AP3M2: variants seen among roughly 807,000 people sequenced by gnomAD.
The protein encoded by AP3M2 is AP-3 complex subunit mu-2.
In AP3M2, 28 loss-of-function variants were observed where a neutral mutation model predicts 41.6. The observed-to-expected ratio is 0.67, with a 90% CI of 0.50 to 0.92. AP3M2 has a LOEUF of 0.92. AP3M2 is among the 40% of genes least tolerant of loss of function. The pLI is 0.00. For synonymous variants in AP3M2, 193 were observed against 186.4 expected, an observed-to-expected ratio of 1.04 and a Z score of -0.29; for missense variants, 427 against 521.4, an observed-to-expected ratio of 0.82 and a Z score of 1.76.
chr8:42,168,146 A>G, intron 8 of AP3M2: 1 of 494,302 alleles, frequency 2.0e-6, no homozygotes, highest in South Asian at 1.5e-5. Context: ...ATCCATGTGC[A>G]TTCTCAGCTA....
chr8:42,155,897 A>G (rs1258979109), intron 2 of AP3M2: 3 of 442,254 alleles, frequency 6.8e-6, no homozygotes, highest in African/African-American at 2.0e-5. Context: ...TCTTGTACTC[A>G]TATCTGCACC....
At position 42,162,288 on chromosome 8, in the gene AP3M2, G is replaced by T. The variant is rs141205851; in HGVS notation, c.453G>T (p.Thr151=). Residue 151 remains threonine, a synonymous_variant, in exon 4 of 9, where the codon ACG becomes ACT. Coordinates refer to ENST00000396926, the MANE Select transcript of AP3M2 (RefSeq NM_006803.4). ...TAATATTAATTGCCTCAGGAAGCAC[G>T]AATGTGGGTGACCAGCTTCCCACTG... ...RTVVNTITGS[T]NVGDQLPTGQ... The T allele has an allele frequency of 2.5e-6, 4 of 1,611,334 alleles. No homozygotes were observed.
intron 3 of AP3M2, 53 bp from the exon 4 acceptor site, chr8:42,162,228 G>T: frequency 6.5e-7 from 1 of 1,538,182 alleles, no homozygotes. Flanking sequence ...GAGGTGTTCT[G>T]TGGTTTCTAG....
chr8:42,165,365 T>C, intron 5 of AP3M2, 62 bp from the exon 6 acceptor site: 1 of 1,582,794 alleles, frequency 6.3e-7, no homozygotes, highest in Non-Finnish European at 8.6e-7. Context: ...TAAATTGCTT[T>C]CCTGAAAGCA....
In AP3M2 at chr8:42,169,115, C is replaced by A. The variant is rs1329246898; in HGVS notation, c.*54C>A. The stretch of plus-strand genomic sequence containing the variant: ...GCACATTTTTTCATTTCTTACTTGT[C>A]TAAAAGTAAAAAAAAATATCAGCCT... On this transcript the variant is annotated 3_prime_UTR_variant, in exon 9 of 9. Transcript: ENST00000396926. 1.4e-6 allele frequency: 2 copies of A among 1,454,136 alleles called. No homozygotes were observed. Among genetic ancestry groups the A allele is most frequent in the South Asian group, 2.4e-5 (2 of 82,034 alleles). 90.1% of individuals were successfully genotyped at this position (1,454,136 alleles called of 1,614,324 possible). A position where few individuals can be genotyped will look rare whatever the true frequency, so the allele number is the denominator to read the frequency against.
chr8:42,160,252 A>G (rs1804474251), intron 3 of AP3M2, among the ~76,000 whole-genome samples: 1 of 152,220 alleles, frequency 6.6e-6, no homozygotes, highest in South Asian at 2.1e-4. Flanking sequence ...GGTAAAGATT[A>G]CTCAATCTGT....
Position 42,165,107 on chromosome 8 carries a change from A to G in AP3M2, c.620A>G (p.Asp207Gly). The G allele has an allele frequency of 1.2e-6, 2 of 1,614,034 alleles. No individual in the cohort carries two copies. Among genetic ancestry groups the G allele is most frequent in the Non-Finnish European group, 1.7e-6 (2 of 1,179,974 alleles). The change falls in exon 5 of 9, where the codon GAT becomes GGT. Residue 207 changes from aspartate (D) to glycine (G), a missense_variant. Physicochemically the swap from Asp to Gly is moderately conservative, Grantham distance 94. This residue lies in a region of AP3M2 where 237 missense variants were observed against 284.9 expected (regional missense o/e 0.83). Transcript: ENST00000396926. ...ACTGCTGAGATCCAGGGGGTGATTG[A>G]TGCCTGTGTCAAGCTGACTGGCATG... Reference protein sequence around the residue: ...TITAEIQGVIDACVKLTGMPD... With the variant: ...TITAEIQGVIGACVKLTGMPD...
chr8:42,154,984 T>C, intron 2 of AP3M2, 24 bp downstream of exon 2: 1 of 1,591,872 alleles, frequency 6.3e-7, no homozygotes, highest in Non-Finnish European at 8.6e-7. Context: ...GGAAAGTTCA[T>C]ATATGTAAAC....
At chr8:42,157,469 G>T (rs1338215250) in intron 2 of AP3M2, among the ~76,000 whole-genome samples, 1 of 152,184 alleles carries the variant, frequency 6.6e-6, no homozygotes, top group Non-Finnish European at 1.5e-5. Context: ...GAATTTTCAG[G>T]TGTGCTAGCT....
chr8:42,158,205 G>A, intron 3 of AP3M2, 93 bp downstream of exon 3: 6 of 1,345,886 alleles, frequency 4.5e-6, no homozygotes, highest in Non-Finnish European at 6.1e-6. Context: ...GTTTGTCTTT[G>A]GGGATCTCAG....
intron 4 of AP3M2, 136 bp from the exon 5 acceptor site, chr8:42,164,935 A>G: frequency 1.5e-6 from 1 of 669,434 alleles, no homozygotes; most frequent in South Asian, 2.0e-5. Context: ...AAGGAAAGAA[A>G]GGGAGAGAGA....
chr8:42,171,099 A>C lies in AP3M2; in HGVS notation c.*2038A>C, dbSNP rs762910190. 3 of 152,260 alleles carry C rather than the reference A, an allele frequency of 2.0e-5. No individual in the cohort carries two copies. The highest frequency in any genetic ancestry group is 1.3e-4 in the Admixed American group (2 of 15,284). The allele number at this position is 152,260 out of a possible 1,614,324, so 9.4% of individuals were successfully genotyped here. ...ACCATAAGCAGTGCAGGGTGTCTCC[A>C]TCGAGCTGTTTGGTTCCATGTGTGT... On this transcript the variant is annotated 3_prime_UTR_variant, in exon 9 of 9. Transcript: ENST00000396926.
chr8:42,156,439 C>G (rs946113718), intron 2 of AP3M2, among the ~76,000 whole-genome samples: 6 of 152,184 alleles, frequency 3.9e-5, no homozygotes, highest in Non-Finnish European at 5.9e-5. Context: ...ACAGGAGCGG[C>G]CCCGCAATAG....
Position 42,167,624 on chromosome 8 carries a change from T to C in AP3M2, c.1012-42T>C, listed in dbSNP as rs763146502. ...CAAATGCAGGATTCTGCTGTAACTATTTTTTGGAAAGACCACTTCTCCATT... is the reference window on the plus strand; with the variant it reads ...CAAATGCAGGATTCTGCTGTAACTACTTTTTGGAAAGACCACTTCTCCATT... On this transcript the variant is annotated intron_variant, in intron 7 of 8. Coordinates refer to ENST00000396926, the MANE Select transcript of AP3M2 (RefSeq NM_006803.4). The C allele has an allele frequency of 1.2e-4, 190 of 1,589,868 alleles. 1 individual carries two copies. Among genetic ancestry groups the C allele is most frequent in the Non-Finnish European group, 1.6e-4 (186 of 1,170,548 alleles).
chr8:42,163,542 C>T (rs945379217), intron 4 of AP3M2, among the ~76,000 whole-genome samples: 14 of 152,162 alleles, frequency 9.2e-5, no homozygotes, highest in Non-Finnish European at 1.8e-4. Flanking sequence ...GGTGTTTATG[C>T]TTCATCAGTG....
In AP3M2 at chr8:42,168,945, T is replaced by C. The variant is rs1804713208; in HGVS notation, c.1157-16T>C. ...ATAATACTCATGTCTATTTTCCCTCTCTCCCTCCTTTCTAGGACTCAAGGT... is the reference window on the plus strand; with the variant it reads ...ATAATACTCATGTCTATTTTCCCTCCCTCCCTCCTTTCTAGGACTCAAGGT... On this transcript the variant is annotated splice_polypyrimidine_tract_variant and intron_variant, in intron 8 of 8. Coordinates refer to ENST00000396926, the MANE Select transcript of AP3M2 (RefSeq NM_006803.4). 3.2e-6 allele frequency: 5 copies of C among 1,576,274 alleles called. No homozygotes were observed. Among genetic ancestry groups the C allele is most frequent in the Non-Finnish European group, 4.3e-6 (5 of 1,156,640 alleles).
At chr8:42,165,818 G>A (rs1470707447) in intron 6 of AP3M2, 1 of 367,304 alleles carries the variant, frequency 2.7e-6, no homozygotes, top group East Asian at 4.5e-5. Flanking sequence ...ACAAAGAAGT[G>A]CTCATTAAGT....
Position 42,154,810 on chromosome 8 carries a change from G to C in AP3M2, c.123G>C (p.Glu41Asp). The change falls in exon 2 of 9, where the codon GAG becomes GAC. Residue 41 changes from glutamate to aspartate, a missense_variant. Glu to Asp is a conservative substitution (Grantham distance 45, BLOSUM62 2). Transcript: ENST00000396926. ...YFFEAQERAT[E>D]AENVPPVIPT... ...TTGAGGCGCAAGAGAGAGCTACTGA[G>C]GCAGAAAATGTGCCTCCGGTTATCC... The C allele has an allele frequency of 6.2e-7, 1 of 1,614,094 alleles. No homozygotes were observed. The highest frequency in any genetic ancestry group is 8.5e-7 in the Non-Finnish European group (1 of 1,180,044).
chr8:42,160,669 G>A lies in AP3M2; in HGVS notation c.446-1612G>A, dbSNP rs114377632. Among the ~76,000 whole-genome samples, 586 of 152,196 alleles carry A rather than the reference G, an allele frequency of 3.9e-3. 3 individuals carry two copies. Among genetic ancestry groups the A allele is most frequent in the African/African-American group, 0.013 (547 of 41,518 alleles). ...GAAAATTATCTTGGTGTGCAATAATGTTTATTTCTTCAAGAGTTTTCCTAG... is the reference window on the plus strand; with the variant it reads ...GAAAATTATCTTGGTGTGCAATAATATTTATTTCTTCAAGAGTTTTCCTAG... On this transcript the variant is annotated intron_variant, in intron 3 of 8. Coordinates refer to ENST00000396926, the MANE Select transcript of AP3M2 (RefSeq NM_006803.4).
Sources: gnomAD v4.1 joint callset for allele counts (sites outside exome capture counted in the v4.1 genomes callset) on GRCh38, gnomAD v4.1.1 for gene constraint, gnomAD v4.1.1 regional missense constraint, MANE v1.5 for transcripts, NCBI Gene and HGNC (gene_info 2026-07-23, HGNC 2026-07-21) for gene names.